Variants in SEMA6A observed in about 807,000 individuals in gnomAD.
SEMA6A encodes the protein semaphorin-6A.
SEMA6A carries 25 observed loss-of-function variants against 96.8 expected under a neutral mutation model. The ratio of observed to expected loss-of-function variants is 0.26; its 90% CI spans 0.19 to 0.36. The LOEUF (loss-of-function observed/expected upper bound fraction) is 0.36, where lower values mean the gene tolerates loss of function less well. SEMA6A is among the 10% of genes least tolerant of loss of function. The probability of loss-of-function intolerance (pLI) is 1.00; values close to 1 mark genes in which losing one functional copy is unlikely to be tolerated. For missense variants in SEMA6A, 1,363 were observed against 1,323.1 expected, an observed-to-expected ratio of 1.03 and a Z score of -0.47; for synonymous variants, 612 against 518.0, an observed-to-expected ratio of 1.18 and a Z score of -2.46.
At chr5:116,519,498 C>G (rs1330097114) in intron 1 of SEMA6A, among the ~76,000 whole-genome samples, 1 of 152,136 alleles carries the variant, frequency 6.6e-6, no homozygotes, top group South Asian at 2.1e-4. Flanking sequence ...ATTCACTCAT[C>G]GAATTCAGTC....
intron 7 of SEMA6A, among the ~76,000 whole-genome samples, chr5:116,490,448 C>T (rs17139927): frequency 0.19 from 29,166 of 152,100 alleles, 2,845 homozygotes; most frequent in East Asian, 0.27. Flanking sequence ...TTCTCCAAGG[C>T]CCCAACTAAT....
At chr5:116,472,088 A>G in intron 17 of SEMA6A, among the ~76,000 whole-genome samples, 1 of 152,192 alleles carries the variant, frequency 6.6e-6, no homozygotes, top group East Asian at 1.9e-4. Flanking sequence ...TTGCCATCAC[A>G]TGGATGTTTT....
At position 116,495,526 on chromosome 5, in the gene SEMA6A, T is replaced by C; in HGVS notation, c.343-12A>G. ...TTGTGGCACTCATCCTGAAAAATAATTCAAACTGTTTTGTATCATGTCCAT... is the reference window on the plus strand; with the variant it reads ...TTGTGGCACTCATCCTGAAAAATAACTCAAACTGTTTTGTATCATGTCCAT... On this transcript the variant is annotated splice_polypyrimidine_tract_variant and intron_variant, in intron 5 of 18. Transcript: ENST00000343348. 6.5e-7 allele frequency: 1 copy of C among 1,545,740 alleles called. No homozygotes were observed.
intron 18 of SEMA6A, among the ~76,000 whole-genome samples, chr5:116,448,170 TAAA>T (rs59202921): frequency 3.3e-5 from 4 of 119,524 alleles, no homozygotes; most frequent in African/African-American, 1.1e-4. Flanking sequence ...CCGTCTCTAC[TAAA>T]AAAAAAAAAA....
intron 6 of SEMA6A, among the ~76,000 whole-genome samples, chr5:116,492,999 T>C (rs1757404316): frequency 6.6e-6 from 1 of 152,206 alleles, no homozygotes; most frequent in Non-Finnish European, 1.5e-5. Flanking sequence ...CCAAGGGTTC[T>C]TACTACCATT....
At chr5:116,463,587 T>G (rs1275386934) in intron 18 of SEMA6A, among the ~76,000 whole-genome samples, 2 of 152,222 alleles carry the variant, frequency 1.3e-5, no homozygotes, top group Admixed American at 1.3e-4. Context: ...CTTATTCACT[T>G]AATCTCTAAT....
intron 1 of SEMA6A, among the ~76,000 whole-genome samples, chr5:116,524,322 A>G (rs935235660): frequency 6.6e-6 from 1 of 152,168 alleles, no homozygotes; most frequent in African/African-American, 2.4e-5. Flanking sequence ...TTGATTACTG[A>G]TTGCTGCATT....
intron 12 of SEMA6A, among the ~76,000 whole-genome samples, chr5:116,479,222 A>G (rs1369361305): frequency 1.3e-5 from 2 of 152,194 alleles, no homozygotes. Flanking sequence ...TAATGGCACT[A>G]CTAAAAACTG....
At chr5:116,570,661 A>G (rs529986207) in intron 1 of SEMA6A, among the ~76,000 whole-genome samples, 219 of 152,352 alleles carry the variant, frequency 1.4e-3, no homozygotes, top group Admixed American at 3.0e-3. Flanking sequence ...GCTCTTGGCA[A>G]TCTAGTTCTA....
intron 1 of SEMA6A, among the ~76,000 whole-genome samples, chr5:116,535,837 G>C (rs758230623): frequency 6.6e-6 from 1 of 152,186 alleles, no homozygotes; most frequent in Non-Finnish European, 1.5e-5. Flanking sequence ...CATATACTGA[G>C]ACTGCTTAAA....
At chr5:116,473,964 T>C (rs1362805363) in intron 16 of SEMA6A, among the ~76,000 whole-genome samples, 1 of 152,170 alleles carries the variant, frequency 6.6e-6, no homozygotes, top group African/African-American at 2.4e-5. Context: ...AGGGGCTTGC[T>C]TGACCACTAA....
intron 11 of SEMA6A, 85 bp downstream of exon 11, chr5:116,482,359 C>T (rs1394662907): frequency 7.7e-6 from 11 of 1,419,792 alleles, no homozygotes; most frequent in Admixed American, 6.2e-5. Flanking sequence ...GGCACTGGTG[C>T]GCAGTTCATA....
chr5:116,467,882 A>T, intron 17 of SEMA6A, 135 bp from the exon 18 acceptor site: 232 of 551,054 alleles, frequency 4.2e-4, no homozygotes, highest in Non-Finnish European at 5.6e-4. Flanking sequence ...GACACGGCTT[A>T]GTGGTGGTGG....
At chr5:116,493,668 C>A (rs949382147) in intron 6 of SEMA6A, among the ~76,000 whole-genome samples, 1 of 151,928 alleles carries the variant, frequency 6.6e-6, no homozygotes, top group Non-Finnish European at 1.5e-5. Flanking sequence ...TCAAACAGAC[C>A]CTCCCTTCAC....
rs145407178 is a variant in SEMA6A at position 116,546,368 on chromosome 5, C to T, written c.-39+27817G>A. Reference sequence around the variant, plus strand: ...TCTGTACATGCCTATAATGAGTTAGCTCACTAGCTAAAAAGTCTGCTCCTT... The same window carrying T: ...TCTGTACATGCCTATAATGAGTTAGTTCACTAGCTAAAAAGTCTGCTCCTT... On this transcript the variant is annotated intron_variant, in intron 1 of 18. Transcript: ENST00000343348. Among the ~76,000 whole-genome samples the T allele has an allele frequency of 2.6e-5, 4 of 152,346 alleles. No homozygotes were observed. In the East Asian group the frequency reaches 7.7e-4, roughly 29 times the overall value.
At chr5:116,573,246 C>G (rs900202550) in intron 1 of SEMA6A, among the ~76,000 whole-genome samples, 1 of 152,182 alleles carries the variant, frequency 6.6e-6, no homozygotes, top group Admixed American at 6.5e-5. Flanking sequence ...GGAACAGAGC[C>G]CTAGTCTGGG....
At chr5:116,495,969 G>T (rs1000497191) in intron 5 of SEMA6A, 16 of 386,878 alleles carry the variant, frequency 4.1e-5, no homozygotes, top group Admixed American at 3.0e-4. Flanking sequence ...GGGCATCGGC[G>T]TACACTCAGA....
chr5:116,478,495 A>G (rs1451740256), intron 13 of SEMA6A, 47 bp downstream of exon 13: 2 of 1,523,136 alleles, frequency 1.3e-6, no homozygotes, highest in Admixed American at 2.0e-5. Flanking sequence ...AGGGGCCATA[A>G]TAGCATAACA....
intron 18 of SEMA6A, among the ~76,000 whole-genome samples, chr5:116,453,493 A>G (rs1754781637): frequency 6.6e-6 from 1 of 152,234 alleles, no homozygotes; most frequent in Admixed American, 6.5e-5. Context: ...ATAAATAGTA[A>G]AGGAATGCAT....
Sources: allele counts gnomAD v4.1 joint callset (sites outside exome capture counted in the v4.1 genomes callset), GRCh38; gene constraint gnomAD v4.1.1; transcripts MANE v1.5; gene names NCBI Gene and HGNC (gene_info 2026-07-23, HGNC 2026-07-21).